MYH8: variants seen among roughly 807,000 people sequenced by gnomAD.
MYH8 encodes myosin heavy chain 8.
Under a neutral mutation model 233.2 loss-of-function variants are expected in MYH8, and 168 were observed. That is an observed-to-expected ratio of 0.72 (90% confidence interval 0.64 to 0.82). MYH8 has a LOEUF of 0.82. Ranked by LOEUF, MYH8 falls within the 40% of genes least tolerant of loss-of-function variation. The pLI, the probability that MYH8 is intolerant of heterozygous loss-of-function variation, is 0.00. For synonymous variants in MYH8, 785 were observed against 850.6 expected, an observed-to-expected ratio of 0.92 and a Z score of 1.34; for missense variants, 1,995 against 2,327.8, an observed-to-expected ratio of 0.86 and a Z score of 2.94.
Position 10,415,275 on chromosome 17 carries a change from G to C in MYH8, c.741+17C>G. ...GTGGCTACTCTGGAAGTTAGGGGTT[G>C]AGACCAAGAGACTCACAAAGCGAGA... On this transcript the variant is annotated intron_variant, in intron 8 of 39. Coordinates refer to ENST00000403437, the MANE Select transcript of MYH8 (RefSeq NM_002472.3). This position sits in a 1 kb window ranked among gnomAD's most constrained non-coding sequence, Gnocchi z 4.1. The C allele has an allele frequency of 6.2e-7, 1 of 1,611,410 alleles. No homozygotes were observed. Among genetic ancestry groups the C allele is most frequent in the South Asian group, 1.1e-5 (1 of 91,026 alleles).
rs576121941 is a variant in MYH8, at chr17:10,392,592, C to G, written c.5518G>C (p.Val1840Leu). ...CGCTCATGTTTCCGTAAACCTTTAA[C>G]AGCCTCTGCATTACGTTTCTGTTCA... ...ENEQKRNAEA[V>L]KGLRKHERRV... The change falls in exon 38 of 40, where the codon GTT becomes CTT. Residue 1840 changes from valine to leucine, a missense_variant. Val to Leu is a conservative substitution (Grantham distance 32). Transcript: ENST00000403437. The G allele has an allele frequency of 6.2e-7, 1 of 1,614,006 alleles. No homozygotes were observed. The highest frequency in any genetic ancestry group is 1.7e-5 in the Admixed American group (1 of 60,000).
Position 10,396,994 on chromosome 17 carries a change from G to C in MYH8, c.4179-8C>G. 1 of 1,614,202 alleles carries C rather than the reference G, an allele frequency of 6.2e-7. No individual in the cohort carries two copies. Among genetic ancestry groups the C allele is most frequent in the Non-Finnish European group, 8.5e-7 (1 of 1,180,022 alleles). ...CGCTGGGCCAACTTTTTCCTGAAAA[G>C]TTAGCCAGGCAGTCAGGAGAATGGC... On this transcript the variant is annotated splice_polypyrimidine_tract_variant and splice_region_variant and intron_variant, in intron 30 of 39. Coordinates refer to ENST00000403437, the MANE Select transcript of MYH8 (RefSeq NM_002472.3). The surrounding 1 kb of genome is among the most constrained non-coding windows in gnomAD (Gnocchi z 4.2).
At chr17:10,399,102 A>G (rs1287077158) in intron 28 of MYH8, among the ~76,000 whole-genome samples, 4 of 151,572 alleles carry the variant, frequency 2.6e-5, no homozygotes, top group Non-Finnish European at 4.4e-5. Flanking sequence ...GAATATTTGC[A>G]TTACACTTGC....
intron 17 of MYH8, among the ~76,000 whole-genome samples, chr17:10,408,132 G>C (rs1334170826): frequency 6.6e-6 from 1 of 151,742 alleles, no homozygotes; most frequent in Non-Finnish European, 1.5e-5. Flanking sequence ...GTAAAGATGG[G>C]GTTTCACCAT....
intron 35 of MYH8, 65 bp from the exon 36 acceptor site, chr17:10,393,275 T>C: frequency 6.3e-7 from 1 of 1,595,138 alleles, no homozygotes; most frequent in East Asian, 2.2e-5. Context: ...TTTACAAGTG[T>C]CTTACTTGTT....
chr17:10,394,926 T>C (rs1258718422), intron 34 of MYH8, among the ~76,000 whole-genome samples: 1 of 152,222 alleles, frequency 6.6e-6, no homozygotes, highest in Non-Finnish European at 1.5e-5. Context: ...TTTCATATCA[T>C]ACTGTAATGC....
At chr17:10,412,170 A>G (rs905204949) in intron 14 of MYH8, among the ~76,000 whole-genome samples, 200 bp downstream of exon 14, 3 of 152,232 alleles carry the variant, frequency 2.0e-5, no homozygotes, top group Non-Finnish European at 2.9e-5. Flanking sequence ...TGAAGTCCCT[A>G]GTGTACACTG....
Position 10,401,667 on chromosome 17 carries a change from T to C in MYH8, c.2807A>G (p.Asn936Ser), listed in dbSNP as rs757824042. The part of the protein sequence containing the change: ...TERAEEEEEI[N>S]AELTAKKRKL... ...TCTCTTCTTGGCTGTCAGCTCAGCATTGATCTCTTCCTCCTCCTCAGCTCT... is the reference window on the plus strand; with the variant it reads ...TCTCTTCTTGGCTGTCAGCTCAGCACTGATCTCTTCCTCCTCCTCAGCTCT... Residue 936 changes from asparagine to serine, a missense_variant, in exon 23 of 40, where the codon AAT (asparagine) becomes AGT (serine). By Grantham distance (46) the Asn-to-Ser change is conservative. This residue lies in a region of MYH8 where 1,498 missense variants were observed against 1,680.9 expected (regional missense o/e 0.89). Coordinates refer to ENST00000403437, the MANE Select transcript of MYH8 (RefSeq NM_002472.3). The C allele has an allele frequency of 4.3e-6, 7 of 1,614,186 alleles. No individual in the cohort carries two copies. The highest frequency in any genetic ancestry group is 1.1e-5 in the South Asian group (1 of 91,072).
At chr17:10,399,438 C>CA in intron 28 of MYH8, 105 bp downstream of exon 28, 2 of 1,587,608 alleles carry the variant, frequency 1.3e-6, no homozygotes, top group Non-Finnish European at 1.7e-6. Flanking sequence ...AAACTCTGAT[C>CA]ATTTGTTTAT....
Position 10,418,755 on chromosome 17 carries a change from AGCCACTTGT to A in MYH8, c.392_400del (p.Tyr131_Trp133del), listed in dbSNP as rs748043320. On this transcript the variant is annotated inframe_deletion, in exon 5 of 40. Transcript: ENST00000403437. ...CACCACCTCGGGCTTGTACACCGGC[AGCCACTTGT>A]AGGGGTTGACGGTGACACAGAAGAG... The A allele has an allele frequency of 6.2e-7, 1 of 1,613,942 alleles. No individual in the cohort carries two copies. Among genetic ancestry groups the A allele is most frequent in the Non-Finnish European group, 8.5e-7 (1 of 1,179,840 alleles).
intron 5 of MYH8, among the ~76,000 whole-genome samples, chr17:10,416,670 T>A (rs2072292771): frequency 6.6e-6 from 1 of 152,198 alleles, no homozygotes; most frequent in Non-Finnish European, 1.5e-5. Context: ...ACATATTTGA[T>A]TAATTTTTAA....
chr17:10,416,161 G>T (rs1244438324), intron 5 of MYH8, among the ~76,000 whole-genome samples: 1 of 152,062 alleles, frequency 6.6e-6, no homozygotes, highest in Non-Finnish European at 1.5e-5. Flanking sequence ...CTGCCTCTGT[G>T]AATTTGACTA....
At position 10,396,007 on chromosome 17, in the gene MYH8, C is replaced by T. The variant is rs2072075123; in HGVS notation, c.4653+323G>A. ...AAATTTGTGTCTTTAAAATTACTGT[C>T]TACCGTAAAATATTTTTCCAAAATA... is the stretch of plus-strand genomic sequence containing the variant. On this transcript the variant is annotated intron_variant, in intron 33 of 39. Transcript: ENST00000403437. The surrounding 1 kb of genome is among the most constrained non-coding windows in gnomAD (Gnocchi z 4.2). 6.6e-6 allele frequency among the ~76,000 whole-genome samples: 1 copy of T among 152,050 alleles called. No individual in the cohort carries two copies. Among genetic ancestry groups the T allele is most frequent in the Admixed American group, 6.6e-5 (1 of 15,262 alleles).
chr17:10,395,070 T>C, intron 34 of MYH8, 63 bp downstream of exon 34: 2 of 1,586,520 alleles, frequency 1.3e-6, no homozygotes, highest in Non-Finnish European at 1.7e-6. Flanking sequence ...AACAAGGTGT[T>C]TGGGAAATGG....
chr17:10,402,409 A>T lies in MYH8; in HGVS notation c.2689-624T>A, dbSNP rs9909727. 5.6e-3 allele frequency among the ~76,000 whole-genome samples: 851 copies of T among 152,264 alleles called. 8 individuals carry two copies. The highest frequency in any genetic ancestry group is 0.02 in the African/African-American group (816 of 41,548). ...AGTGCTATAATTGTTCAAAATTTACATTTCCATTTACAGAATTACCCATTA... is the reference window on the plus strand; with the variant it reads ...AGTGCTATAATTGTTCAAAATTTACTTTTCCATTTACAGAATTACCCATTA... On this transcript the variant is annotated intron_variant, in intron 22 of 39. Coordinates refer to ENST00000403437, the MANE Select transcript of MYH8 (RefSeq NM_002472.3).
At chr17:10,390,717 T>G (rs765349743) in intron 39 of MYH8, 114 bp from the exon 40 acceptor site, 56 of 1,184,572 alleles carry the variant, frequency 4.7e-5, no homozygotes, top group Non-Finnish European at 6.6e-5. Context: ...CTATTTAGCA[T>G]ATCCGACTTT....
chr17:10,401,854 A>C (rs893824849), intron 22 of MYH8, 69 bp from the exon 23 acceptor site: 13 of 1,591,852 alleles, frequency 8.2e-6, no homozygotes, highest in African/African-American at 1.3e-5. Context: ...TTTTTTGCGC[A>C]AAAATAATAG....
rs2072131649 is a variant in MYH8, at chr17:10,400,709, C to T, written c.3416G>A (p.Arg1139His). The T allele has an allele frequency of 6.2e-7, 1 of 1,614,138 alleles. No individual in the cohort carries two copies. The highest frequency in any genetic ancestry group is 8.5e-7 in the Non-Finnish European group (1 of 1,180,048). ...CTCCAGTTCCCGGGAGAGGTCAGAG[C>T]GCTGCTTCTCCGCTTTGGCTCGGGA... ...RASRAKAEKQRSDLSRELEEI... is the reference protein window; with the variant it reads ...RASRAKAEKQHSDLSRELEEI... The change falls in exon 27 of 40, where the codon CGC becomes CAC. Residue 1139 changes from arginine (R) to histidine (H), a missense_variant. By Grantham distance (29) the Arg-to-His change is conservative. Coordinates refer to ENST00000403437, the MANE Select transcript of MYH8 (RefSeq NM_002472.3). This position sits in a 1 kb window ranked among gnomAD's most constrained non-coding sequence, Gnocchi z 4.0.
At chr17:10,412,334 A>G in intron 14 of MYH8, 36 bp downstream of exon 14, 1 of 1,614,042 alleles carries the variant, frequency 6.2e-7, no homozygotes, top group Non-Finnish European at 8.5e-7. Flanking sequence ...AAAGCCCACA[A>G]TTGCCTCCTT....
Sources: allele counts gnomAD v4.1 joint callset (sites outside exome capture counted in the v4.1 genomes callset), GRCh38; gene constraint gnomAD v4.1.1; regional missense constraint gnomAD v4.1.1; non-coding constraint Gnocchi (gnomAD v3.1); transcripts MANE v1.5; gene names NCBI Gene and HGNC (gene_info 2026-07-23, HGNC 2026-07-21).